Variants in CNOT6L observed in about 807,000 individuals in gnomAD.
The protein encoded by CNOT6L is CCR4-NOT transcription complex subunit 6-like.
In CNOT6L, 7 loss-of-function variants were observed where a neutral mutation model predicts 64.0. The observed-to-expected ratio is 0.11, with a 90% CI of 0.06 to 0.21. CNOT6L has a LOEUF of 0.21. Among genes scored for constraint, CNOT6L ranks in the 10% least tolerant of loss-of-function variants. The pLI, the probability that CNOT6L is intolerant of heterozygous loss-of-function variation, is 1.00. For missense variants in CNOT6L, 245 were observed against 669.0 expected (o/e 0.37, Z 6.99); for synonymous variants, 193 against 243.4 (o/e 0.79, Z 1.93).
At chr4:77,808,479 A>G (rs1392763378) in intron 1 of CNOT6L, among the ~76,000 whole-genome samples, 3 of 151,766 alleles carry the variant, frequency 2.0e-5, no homozygotes, top group South Asian at 4.2e-4. Flanking sequence ...AAAAAAAAAA[A>G]AAGAGAAGAG....
In CNOT6L at chr4:77,748,296, G is replaced by A; in HGVS notation, c.559+20C>T. 1.3e-6 allele frequency: 2 copies of A among 1,513,550 alleles called. No individual in the cohort carries two copies. Among genetic ancestry groups the A allele is most frequent in the Admixed American group, 1.7e-5 (1 of 59,002 alleles). 93.8% of individuals were successfully genotyped at this position (1,513,550 alleles called of 1,614,324 possible). A position where few individuals can be genotyped will look rare whatever the true frequency, so the allele number is the denominator to read the frequency against. On this transcript the variant is annotated intron_variant, in intron 6 of 11. Transcript: ENST00000504123. ...TTAAGAATTTCTGAAAAAAAAGGAA[G>A]AATAAGAAAAACTATTTACCTGACG... is the stretch of plus-strand genomic sequence containing the variant.
chr4:77,749,328 T>C (rs1405313574), intron 5 of CNOT6L, among the ~76,000 whole-genome samples: 1 of 152,142 alleles, frequency 6.6e-6, no homozygotes, highest in East Asian at 1.9e-4. Flanking sequence ...AGACAAATCA[T>C]CCAGCTTGTT....
rs1253820808 is a variant in CNOT6L, at chr4:77,717,795, A to G, written c.*2636T>C. On this transcript the variant is annotated 3_prime_UTR_variant, in exon 12 of 12. Transcript: ENST00000504123. ...GAAATTTGGGCAGTGGGCTAAAGGG[A>G]AACCGTGCACATGAAATTTGGGTTA... is the stretch of plus-strand genomic sequence containing the variant. The G allele has an allele frequency of 1.3e-5, 2 of 152,574 alleles. No homozygotes were observed. The allele number at this position is 152,574 out of a possible 1,614,324, so 9.5% of individuals were successfully genotyped here.
rs533220466 is a variant in CNOT6L, at chr4:77,766,672, A to G, written c.400+6409T>C. On this transcript the variant is annotated intron_variant, in intron 4 of 11. Transcript: ENST00000504123. ...AGGCTCACTATAAGATTAATTTTAA[A>G]ACAAACAAAAAACAAAACCAATTGT... is the stretch of plus-strand genomic sequence containing the variant. Among the ~76,000 whole-genome samples the G allele has an allele frequency of 2.2e-4, 33 of 152,114 alleles. No individual in the cohort carries two copies. The South Asian group carries it at 6.8e-3, about 32-fold the overall frequency.
rs148438173 is a variant in CNOT6L, at chr4:77,768,434, C to G, written c.400+4647G>C. On this transcript the variant is annotated intron_variant, in intron 4 of 11. Coordinates refer to ENST00000504123, the MANE Select transcript of CNOT6L (RefSeq NM_144571.3). ...TGGCCGAGATCGCGCCACTGCACTC[C>G]AGCCTGGGTAACAGAGTGAGACTCT... Among the ~76,000 whole-genome samples, 780 of 148,022 alleles carry G rather than the reference C, an allele frequency of 5.3e-3. 6 individuals carry two copies. Among genetic ancestry groups the G allele is most frequent in the African/African-American group, 0.018 (733 of 39,896 alleles).
rs1721123864 is a variant in CNOT6L, at chr4:77,720,088, T to G, written c.*343A>C. The G allele has an allele frequency of 5.5e-6, 1 of 181,344 alleles. No homozygotes were observed. The highest frequency in any genetic ancestry group is 5.8e-5 in the Admixed American group (1 of 17,324). 11.2% of individuals were successfully genotyped at this position (181,344 alleles called of 1,614,324 possible). On this transcript the variant is annotated 3_prime_UTR_variant, in exon 12 of 12. Transcript: ENST00000504123. ...TAAAATGGTTGGCTCACTGAAACCA[T>G]TCAAAAGAAAGTATTTGTTTTGGAA...
intron 4 of CNOT6L, among the ~76,000 whole-genome samples, chr4:77,768,509 A>G (rs1464077672): frequency 7.0e-6 from 1 of 142,408 alleles, no homozygotes; most frequent in East Asian, 2.0e-4. Context: ...ATATATATAT[A>G]TATATATTCT....
chr4:77,720,761 A>C, intron 11 of CNOT6L, 118 bp from the exon 12 acceptor site: 1 of 963,756 alleles, frequency 1.0e-6, no homozygotes, highest in South Asian at 1.7e-5. Context: ...TTGTCTTGAT[A>C]GTGGGTCAAA....
intron 1 of CNOT6L, among the ~76,000 whole-genome samples, chr4:77,784,857 G>C (rs1429618041): frequency 6.6e-6 from 1 of 151,840 alleles, no homozygotes; most frequent in Non-Finnish European, 1.5e-5. Context: ...TTTTTAATGG[G>C]TATCAACTTC....
At chr4:77,771,193 C>T (rs367605749) in intron 4 of CNOT6L, among the ~76,000 whole-genome samples, 19 of 152,144 alleles carry the variant, frequency 1.2e-4, no homozygotes, top group African/African-American at 4.1e-4. Context: ...TGGTGGTGCA[C>T]GCCCAGCTAC....
chr4:77,716,121 T>C lies in CNOT6L; in HGVS notation c.*4310A>G, dbSNP rs1212785331. 1 of 112,504 alleles carries C rather than the reference T, an allele frequency of 8.9e-6. No individual in the cohort carries two copies. The allele number at this position is 112,504 out of a possible 1,614,324, so 7.0% of individuals were successfully genotyped here. ...ACTACACATTAGAAAAGTGACCTTT[T>C]TTAAAGGGTAGGGCAGGTGGGAAAA... On this transcript the variant is annotated 3_prime_UTR_variant, in exon 12 of 12. Coordinates refer to ENST00000504123, the MANE Select transcript of CNOT6L (RefSeq NM_144571.3).
intron 4 of CNOT6L, among the ~76,000 whole-genome samples, chr4:77,768,474 A>AATAAATATATATATAT (rs1215170210): frequency 1.1e-3 from 14 of 13,062 alleles, no homozygotes; most frequent in South Asian, 4.6e-3. Flanking sequence ...AAAATAAATA[A>AATAAATATATATATAT]ATATATATAT....
chr4:77,814,539 T>C (rs866566775), intron 1 of CNOT6L, among the ~76,000 whole-genome samples: 29 of 152,190 alleles, frequency 1.9e-4, no homozygotes, highest in Non-Finnish European at 2.4e-4. Flanking sequence ...TTATTTCCCT[T>C]ACTCACAAAC....
rs2109832806 is a variant in CNOT6L, at chr4:77,716,738, A to C, written c.*3693T>G. On this transcript the variant is annotated 3_prime_UTR_variant, in exon 12 of 12. Coordinates refer to ENST00000504123, the MANE Select transcript of CNOT6L (RefSeq NM_144571.3). ...ATATATAACTTTAAGACACCAAAAA[A>C]ATAGGGGCAAATAAGAAACAGCTTT... 1 of 152,660 alleles carries C rather than the reference A, an allele frequency of 6.6e-6. No homozygotes were observed. The highest frequency in any genetic ancestry group is 1.9e-4 in the East Asian group (1 of 5,186). 9.5% of individuals were successfully genotyped at this position (152,660 alleles called of 1,614,324 possible). A position where few individuals can be genotyped will look rare whatever the true frequency, so the allele number is the denominator to read the frequency against.
At position 77,731,545 on chromosome 4, in the gene CNOT6L, G is replaced by A; in HGVS notation, c.873-7C>T. The A allele has an allele frequency of 6.6e-7, 1 of 1,525,674 alleles. No individual in the cohort carries two copies. The highest frequency in any genetic ancestry group is 8.8e-7 in the Non-Finnish European group (1 of 1,139,918). 94.5% of individuals were successfully genotyped at this position (1,525,674 alleles called of 1,614,324 possible). On this transcript the variant is annotated splice_polypyrimidine_tract_variant and splice_region_variant and intron_variant, in intron 8 of 11. Coordinates refer to ENST00000504123, the MANE Select transcript of CNOT6L (RefSeq NM_144571.3). ...CTTCTGCACCAATGTAAATCTAAAA[G>A]GTACATTATTATAATTTTAGGTACC...
chr4:77,787,272 T>A (rs1432821133), intron 1 of CNOT6L, among the ~76,000 whole-genome samples: 1 of 151,764 alleles, frequency 6.6e-6, no homozygotes, highest in Non-Finnish European at 1.5e-5. Context: ...TCTCAAAAAA[T>A]AATAACAATA....
chr4:77,795,061 C>G (rs577747199), intron 1 of CNOT6L, among the ~76,000 whole-genome samples: 1 of 148,778 alleles, frequency 6.7e-6, no homozygotes, highest in South Asian at 2.1e-4. Context: ...CTCTTGTTGC[C>G]TAGGCTGGAG....
intron 1 of CNOT6L, among the ~76,000 whole-genome samples, chr4:77,806,572 T>A (rs1732245700): frequency 6.6e-6 from 1 of 152,208 alleles, no homozygotes; most frequent in African/African-American, 2.4e-5. Flanking sequence ...ATTGTTTAGG[T>A]AATGAATGTT....
chr4:77,800,421 T>C (rs766419994), intron 1 of CNOT6L, among the ~76,000 whole-genome samples: 57 of 151,612 alleles, frequency 3.8e-4, no homozygotes, highest in Non-Finnish European at 7.8e-4. Context: ...GAGGCTTAGA[T>C]AGGAGGATTA....
Sources: gnomAD v4.1 joint callset for allele counts (sites outside exome capture counted in the v4.1 genomes callset) on GRCh38, gnomAD v4.1.1 for gene constraint, MANE v1.5 for transcripts, NCBI Gene and HGNC (gene_info 2026-07-23, HGNC 2026-07-21) for gene names.